The following OR4D9 variants were observed in gnomAD, a reference collection of about 807,000 sequenced individuals.
OR4D9 encodes olfactory receptor 4D9.
A neutral mutation model predicts 0.8 loss-of-function variants in OR4D9; 2 were observed. That is an observed-to-expected ratio of 2.58 (90% CI 1.06 to 8.13). The LOEUF is 8.13. Among genes scored for constraint, OR4D9 ranks in the 30% most tolerant of loss-of-function variants. The probability of loss-of-function intolerance (pLI) is 0.04; values close to 1 mark genes in which losing one functional copy is unlikely to be tolerated. For synonymous variants in OR4D9, 146 were observed against 151.2 expected (o/e 0.97, Z 0.25); for missense variants, 399 against 384.7 (o/e 1.04, Z -0.31).
Position 59,515,581 on chromosome 11 carries a change from G to A in OR4D9, c.669G>A (p.Met223Ile). ...TCATATCTTACACGGTCATCTTGAT[G>A]ATGCTGAGGTCTCACACTGGGGAAG... ...FLLISYTVIL[M>I]MLRSHTGEGR... is the part of the protein sequence containing the mutation. The change falls in exon 3 of 3, where the codon ATG (methionine) becomes ATA (isoleucine). Residue 223 changes from methionine (M) to isoleucine (I), a missense_variant. Met to Ile is a conservative substitution (Grantham distance 10). Coordinates refer to ENST00000641962, the MANE Select transcript of OR4D9 (RefSeq NM_001004711.2). 1 of 1,614,168 alleles carries A rather than the reference G, an allele frequency of 6.2e-7. No individual in the cohort carries two copies. Among genetic ancestry groups the A allele is most frequent in the Admixed American group, 1.7e-5 (1 of 60,020 alleles).
chr11:59,515,367 GC>G lies in OR4D9; in HGVS notation c.456del (p.Phe153LeufsTer5). 6.2e-7 allele frequency: 1 copy of G among 1,613,968 alleles called. No homozygotes were observed. ...TGLIVASWVGGFVHSIAQISL... is the reference protein window; with the variant it reads ...TGLIVASWVGXFVHSIAQISL... ...CTCATCGTGGCTTCCTGGGTGGGGG[GC>G]TTTGTCCACTCCATAGCGCAGATTT... On this transcript the variant is annotated frameshift_variant, in exon 3 of 3. Coordinates refer to ENST00000641962, the MANE Select transcript of OR4D9 (RefSeq NM_001004711.2). LOFTEE classifies it low-confidence loss of function (END_TRUNC).
chr11:59,516,161 G>T lies in OR4D9; in HGVS notation c.*304G>T. The T allele has an allele frequency of 4.0e-6, 1 of 248,862 alleles. No homozygotes were observed. Among genetic ancestry groups the T allele is most frequent in the Non-Finnish European group, 7.7e-6 (1 of 129,904 alleles). 15.4% of individuals were successfully genotyped at this position (248,862 alleles called of 1,614,324 possible). On this transcript the variant is annotated 3_prime_UTR_variant, in exon 3 of 3. Transcript: ENST00000641962. ...AAAGATTAAATGTAGTCACCTTCCT[G>T]GAGGCATAACCCAAAATACTTATTA...
At chr11:59,513,281 G>T (rs1859354162) in intron 1 of OR4D9, among the ~76,000 whole-genome samples, 1 of 152,028 alleles carries the variant, frequency 6.6e-6, no homozygotes, top group Non-Finnish European at 1.5e-5. Flanking sequence ...TAACATGTTG[G>T]CCAGGCCTCC....
Position 59,515,606 on chromosome 11 carries a change from G to T in OR4D9, c.694G>T (p.Gly232Cys). The part of the protein sequence containing the change: ...LMMLRSHTGE[G>C]RRKAISTCTS... Reference sequence around the variant, plus strand: ...GATGCTGAGGTCTCACACTGGGGAAGGCAGGAGGAAAGCCATCTCCACCTG... The same window carrying T: ...GATGCTGAGGTCTCACACTGGGGAATGCAGGAGGAAAGCCATCTCCACCTG... The change falls in exon 3 of 3, where the codon GGC becomes TGC. Residue 232 changes from glycine to cysteine, a missense_variant. By Grantham distance (159) the Gly-to-Cys change is radical. Coordinates refer to ENST00000641962, the MANE Select transcript of OR4D9 (RefSeq NM_001004711.2). The T allele has an allele frequency of 1.2e-6, 2 of 1,614,058 alleles. No individual in the cohort carries two copies. Among genetic ancestry groups the T allele is most frequent in the South Asian group, 2.2e-5 (2 of 91,070 alleles).
At chr11:59,513,515 C>A (rs1859358373) in intron 1 of OR4D9, among the ~76,000 whole-genome samples, 1 of 152,258 alleles carries the variant, frequency 6.6e-6, no homozygotes, top group South Asian at 2.1e-4. Flanking sequence ...GTGGGATTCT[C>A]TTATATTATT....
At chr11:59,513,282 C>T (rs1859354191) in intron 1 of OR4D9, among the ~76,000 whole-genome samples, 1 of 152,104 alleles carries the variant, frequency 6.6e-6, no homozygotes, top group African/African-American at 2.4e-5. Flanking sequence ...AACATGTTGG[C>T]CAGGCCTCCA....
chr11:59,514,932 C>T lies in OR4D9; in HGVS notation c.20C>T (p.Thr7Ile), dbSNP rs1482088978. ...GATTCAATGGATCAGAGAAATTACACCAGAGTGAAAGAATTTACCTTCCTG... is the reference window on the plus strand; with the variant it reads ...GATTCAATGGATCAGAGAAATTACATCAGAGTGAAAGAATTTACCTTCCTG... MDQRNY[T>I]RVKEFTFLGI... is the part of the protein sequence containing the mutation. Residue 7 changes from threonine (T) to isoleucine (I), a missense_variant, in exon 3 of 3, where the codon ACC becomes ATC. Thr to Ile is a moderately conservative substitution (Grantham distance 89, BLOSUM62 -1). Transcript: ENST00000641962. The T allele has an allele frequency of 6.2e-7, 1 of 1,610,200 alleles. No homozygotes were observed. Among genetic ancestry groups the T allele is most frequent in the African/African-American group, 1.3e-5 (1 of 74,810 alleles).
In OR4D9 at chr11:59,517,803, C is replaced by T. The variant is rs1354083004; in HGVS notation, c.*1946C>T. On this transcript the variant is annotated 3_prime_UTR_variant, in exon 3 of 3. Coordinates refer to ENST00000641962, the MANE Select transcript of OR4D9 (RefSeq NM_001004711.2). ...CCAAGATTGTGCCACTGCACTCCAG[C>T]CTGGGCGACAGAGCGAGACTCCAAC... 6.6e-6 allele frequency: 1 copy of T among 151,984 alleles called. No individual in the cohort carries two copies. Among genetic ancestry groups the T allele is most frequent in the East Asian group, 1.9e-4 (1 of 5,174 alleles). The allele number at this position is 151,984 out of a possible 1,614,324, so 9.4% of individuals were successfully genotyped here. A position where few individuals can be genotyped will look rare whatever the true frequency, so the allele number is the denominator to read the frequency against.
intron 1 of OR4D9, among the ~76,000 whole-genome samples, chr11:59,514,213 C>G (rs943057144): frequency 6.6e-6 from 1 of 152,146 alleles, no homozygotes; most frequent in East Asian, 1.9e-4. Flanking sequence ...AGTGGTTATA[C>G]CAATTTTACA....
At position 59,515,140 on chromosome 11, in the gene OR4D9, C is replaced by T. The variant is rs1167507021; in HGVS notation, c.228C>T (p.Ile76=). 3 of 1,614,160 alleles carry T rather than the reference C, an allele frequency of 1.9e-6. No individual in the cohort carries two copies. Among genetic ancestry groups the T allele is most frequent in the South Asian group, 1.1e-5 (1 of 91,086 alleles). ...TTCTTGACATCTGCTTTTCCTCCAT[C>T]ACAGCTCCTAAGGTCCTGATAGATC... is the stretch of plus-strand genomic sequence containing the variant. ...LSILDICFSS[I]TAPKVLIDLL... The change falls in exon 3 of 3, where the codon ATC becomes ATT. Residue 76 remains isoleucine, a synonymous_variant. Transcript: ENST00000641962.
In OR4D9 at chr11:59,518,345, T is replaced by C. The variant is rs1859431274; in HGVS notation, c.*2488T>C. 6.6e-6 allele frequency: 1 copy of C among 152,234 alleles called. No homozygotes were observed. Among genetic ancestry groups the C allele is most frequent in the Non-Finnish European group, 1.5e-5 (1 of 68,070 alleles). The allele number at this position is 152,234 out of a possible 1,614,324, so 9.4% of individuals were successfully genotyped here. A position where few individuals can be genotyped will look rare whatever the true frequency, so the allele number is the denominator to read the frequency against. On this transcript the variant is annotated 3_prime_UTR_variant, in exon 3 of 3. Transcript: ENST00000641962. Reference sequence around the variant, plus strand: ...TGCTCATGTCACAGGCCAATGCTGGTCTGCAGAAAGAGGGCACAGTGCCAC... The same window carrying C: ...TGCTCATGTCACAGGCCAATGCTGGCCTGCAGAAAGAGGGCACAGTGCCAC...
At chr11:59,512,300 CT>C (rs71036528) in intron 1 of OR4D9, among the ~76,000 whole-genome samples, 8,935 of 125,334 alleles carry the variant, frequency 0.071, 304 homozygotes, top group African/African-American at 0.15. Flanking sequence ...TTTCTTTTTT[CT>C]TTTTTTTTTT....
Position 59,514,881 on chromosome 11 carries a change from A to C in OR4D9, c.-30-2A>C. The C allele has an allele frequency of 7.4e-7, 1 of 1,354,946 alleles. No individual in the cohort carries two copies. 83.9% of individuals were successfully genotyped at this position (1,354,946 alleles called of 1,614,324 possible). A position where few individuals can be genotyped will look rare whatever the true frequency, so the allele number is the denominator to read the frequency against. On this transcript the variant is annotated splice_acceptor_variant, in intron 2 of 2. Coordinates refer to ENST00000641962, the MANE Select transcript of OR4D9 (RefSeq NM_001004711.2). LOFTEE classifies it low-confidence loss of function (5UTR_SPLICE). Reference sequence around the variant, plus strand: ...ATTTAACTGCACTATTATTTCTTCCAGAGATGAACCTGATAAAGGATCTGT... The same window carrying C: ...ATTTAACTGCACTATTATTTCTTCCCGAGATGAACCTGATAAAGGATCTGT...
Position 59,516,006 on chromosome 11 carries a change from A to T in OR4D9, c.*149A>T. 1.6e-6 allele frequency: 1 copy of T among 626,818 alleles called. No individual in the cohort carries two copies. The allele number at this position is 626,818 out of a possible 1,614,324, so 38.8% of individuals were successfully genotyped here. ...TATTCCATCATATATGTTGGGGACC[A>T]CGTGGATGATACTGCTCTAAGACAA... On this transcript the variant is annotated 3_prime_UTR_variant, in exon 3 of 3. Coordinates refer to ENST00000641962, the MANE Select transcript of OR4D9 (RefSeq NM_001004711.2).
At chr11:59,512,229 C>A (rs1859335716) in intron 1 of OR4D9, among the ~76,000 whole-genome samples, 1 of 151,390 alleles carries the variant, frequency 6.6e-6, no homozygotes, top group Non-Finnish European at 1.5e-5. Context: ...AGTTTGCAGG[C>A]TCTGTCCAAG....
rs114708383 is a variant in OR4D9 at position 59,515,871 on chromosome 11, C to T, written c.*14C>T. The T allele has an allele frequency of 4.2e-3, 6,505 of 1,537,094 alleles. 244 individuals are homozygous for T. The African/African-American group carries it at 0.08, about 19-fold the overall frequency. ...TTAATTCAATAAGGGTAAGATAGTA[C>T]CCATATTTAAAGATAGACATTAAAT... On this transcript the variant is annotated 3_prime_UTR_variant, in exon 3 of 3. Transcript: ENST00000641962.
At chr11:59,514,588 T>G (rs1257594187) in intron 1 of OR4D9, 85 bp from the exon 2 acceptor site, 2 of 210,728 alleles carry the variant, frequency 9.5e-6, no homozygotes, top group African/African-American at 2.3e-5. Context: ...TTCAGATTTC[T>G]TCTTATTATT....
At chr11:59,514,592 T>C (rs1236469595) in intron 1 of OR4D9, 81 bp from the exon 2 acceptor site, 1 of 213,384 alleles carries the variant, frequency 4.7e-6, no homozygotes, top group Non-Finnish European at 9.2e-6. Context: ...GATTTCTTCT[T>C]ATTATTTATT....
In OR4D9 at chr11:59,514,772, T is replaced by A; in HGVS notation, c.-31+6T>A. ...CATACTGACTTGCAGACACAGTGAG[T>A]GCATAGGGAAAAGAGCTTCCTCCTA... On this transcript the variant is annotated splice_donor_region_variant and intron_variant, in intron 2 of 2. Transcript: ENST00000641962. 1 of 619,760 alleles carries A rather than the reference T, an allele frequency of 1.6e-6. No homozygotes were observed. The highest frequency in any genetic ancestry group is 3.0e-5 in the Admixed American group (1 of 33,368). 38.4% of individuals were successfully genotyped at this position (619,760 alleles called of 1,614,324 possible).
Sources: gnomAD v4.1 joint callset for allele counts (sites outside exome capture counted in the v4.1 genomes callset) on GRCh38, gnomAD v4.1.1 for gene constraint, MANE v1.5 for transcripts, NCBI Gene and HGNC (gene_info 2026-07-23, HGNC 2026-07-21) for gene names.